VPS13C: variants seen among roughly 807,000 people sequenced by gnomAD.
VPS13C encodes the protein vacuolar protein sorting 13 homolog C, also known as intermembrane lipid transfer protein VPS13C.
Under a neutral mutation model 456.8 loss-of-function variants are expected in VPS13C, and 358 were observed. That is an observed-to-expected ratio of 0.78 (90% CI 0.72 to 0.86). The LOEUF (loss-of-function observed/expected upper bound fraction) is 0.86. VPS13C is among the 40% of genes least tolerant of loss of function. The probability of loss-of-function intolerance (pLI) is 0.00; values close to 1 mark genes in which losing one functional copy is unlikely to be tolerated. For synonymous variants in VPS13C, 1,578 were observed against 1,486.7 expected, an observed-to-expected ratio of 1.06 and a Z score of -1.41; for missense variants, 4,818 against 4,385.4, an observed-to-expected ratio of 1.10 and a Z score of -2.79.
chr15:61,950,970 G>A lies in VPS13C; in HGVS notation c.4511C>T (p.Pro1504Leu), dbSNP rs759979426. ...CTTTGTCAGTAACATTTTCAGAAGGGGTTCGTCAGTCACATTAGAAGAGTT... is the reference window on the plus strand; with the variant it reads ...CTTTGTCAGTAACATTTTCAGAAGGAGTTCGTCAGTCACATTAGAAGAGTT... ...IINSSNVTDEPLLKMLLTKAD... is the reference protein window; with the variant it reads ...IINSSNVTDELLLKMLLTKAD... The change falls in exon 40 of 85, where the codon CCC (proline) becomes CTC (leucine). Residue 1504 changes from proline (P) to leucine (L), a missense_variant. Around this residue, in one of 3 missense-constraint regions of VPS13C, gnomAD observed 4,552 missense variants for 4,130.6 expected, o/e 1.10. Coordinates refer to ENST00000644861, the MANE Select transcript of VPS13C (RefSeq NM_020821.3). The A allele has an allele frequency of 6.2e-7, 1 of 1,602,756 alleles. No individual in the cohort carries two copies. Among genetic ancestry groups the A allele is most frequent in the Non-Finnish European group, 8.5e-7 (1 of 1,175,098 alleles).
intron 49 of VPS13C, among the ~76,000 whole-genome samples, chr15:61,933,665 C>G (rs1003927269): frequency 1.3e-5 from 2 of 152,028 alleles, no homozygotes; most frequent in African/African-American, 4.8e-5. Flanking sequence ...AAATAGCTCT[C>G]TAAAATACCA....
At chr15:62,046,065 T>A (rs1462081690) in intron 1 of VPS13C, among the ~76,000 whole-genome samples, 2 of 152,140 alleles carry the variant, frequency 1.3e-5, no homozygotes, top group East Asian at 3.8e-4. Flanking sequence ...TCTGTGTACA[T>A]ACAGTTCTCA....
In VPS13C at chr15:61,931,081, C is replaced by G; in HGVS notation, c.6038+9G>C. On this transcript the variant is annotated intron_variant, in intron 50 of 84. Transcript: ENST00000644861. Reference sequence around the variant, plus strand: ...TAAATAATGTATTGCAAACTCAGAGCTGACAAACCTCGATGTTGCTCTCTC... The same window carrying G: ...TAAATAATGTATTGCAAACTCAGAGGTGACAAACCTCGATGTTGCTCTCTC... 2.5e-6 allele frequency: 4 copies of G among 1,613,826 alleles called. No individual in the cohort carries two copies. The highest frequency in any genetic ancestry group is 3.4e-6 in the Non-Finnish European group (4 of 1,179,990).
intron 67 of VPS13C, among the ~76,000 whole-genome samples, 159 bp from the exon 68 acceptor site, chr15:61,884,428 C>T (rs1896115143): frequency 6.6e-6 from 1 of 151,892 alleles, no homozygotes; most frequent in African/African-American, 2.4e-5. Context: ...TGCAAGAGTA[C>T]AAAAAGAAAA....
intron 61 of VPS13C, among the ~76,000 whole-genome samples, chr15:61,914,818 C>T (rs1249443559): frequency 1.4e-5 from 2 of 143,098 alleles, no homozygotes; most frequent in Non-Finnish European, 3.0e-5. Context: ...GCCTCAGCCT[C>T]GCAAAGTGCT....
At chr15:61,937,855 A>G (rs2044279885) in intron 47 of VPS13C, among the ~76,000 whole-genome samples, 1 of 152,206 alleles carries the variant, frequency 6.6e-6, no homozygotes, top group African/African-American at 2.4e-5. Context: ...ACTGGCTGCT[A>G]AAATCCATTA....
chr15:62,006,107 T>A (rs2046832412), intron 15 of VPS13C, among the ~76,000 whole-genome samples: 1 of 126,526 alleles, frequency 7.9e-6, no homozygotes, highest in African/African-American at 2.5e-5. Context: ...CTTATTTTTT[T>A]TTTATTATTA....
At chr15:61,990,253 C>T (rs1873922382) in intron 18 of VPS13C, among the ~76,000 whole-genome samples, 1 of 151,982 alleles carries the variant, frequency 6.6e-6, no homozygotes, top group Non-Finnish European at 1.5e-5. Flanking sequence ...GTAACAGTTA[C>T]CTTTGGAGAA....
Position 61,867,667 on chromosome 15 carries a change from T to A in VPS13C, c.10863+992A>T, listed in dbSNP as rs530323812. ...CTTCTGAGCTCAATAAAGGCTTTCA[T>A]CTATTAAACGCAGAAGAGAGCTGAT... On this transcript the variant is annotated intron_variant, in intron 81 of 84. Transcript: ENST00000644861. This position sits in a 1 kb window ranked among gnomAD's most constrained non-coding sequence, Gnocchi z 5.0. 8.0e-6 allele frequency: 10 copies of A among 1,253,816 alleles called. No homozygotes were observed. In the South Asian group the frequency reaches 2.4e-4, roughly 30 times the overall value. 77.7% of individuals were successfully genotyped at this position (1,253,816 alleles called of 1,614,324 possible). A position where few individuals can be genotyped will look rare whatever the true frequency, so the allele number is the denominator to read the frequency against.
chr15:61,890,480 T>A (rs1363218049), intron 66 of VPS13C, 80 bp from the exon 67 acceptor site: 2 of 1,270,798 alleles, frequency 1.6e-6, no homozygotes, highest in Non-Finnish European at 2.2e-6. Context: ...AACAGAAAGA[T>A]TAGAAAAGTT....
intron 30 of VPS13C, 116 bp from the exon 31 acceptor site, chr15:61,964,977 A>G: frequency 2.1e-6 from 2 of 935,540 alleles, no homozygotes; most frequent in Non-Finnish European, 3.1e-6. Flanking sequence ...CACCACTCTG[A>G]AGGAAGAGTA....
chr15:62,006,554 G>A (rs1229352938), intron 15 of VPS13C, among the ~76,000 whole-genome samples: 9 of 152,038 alleles, frequency 5.9e-5, no homozygotes, highest in East Asian at 5.8e-4. Context: ...GAATAGTGCC[G>A]CAATAAACAT....
rs78527172 is a variant in VPS13C, at chr15:61,912,642, T to C, written c.8551-638A>G. Among the ~76,000 whole-genome samples the C allele has an allele frequency of 1.2e-4, 4 of 34,226 alleles. No individual in the cohort carries two copies. In the Admixed American group the frequency reaches 1.7e-3, roughly 15 times the overall value. 22.5% of individuals were successfully genotyped at this position (34,226 alleles called of 152,430 possible). ...CGGTACACTTTAGGAGCCAACTTGT[T>C]TTTTTTTTTTTAATTATACTTTAAG... On this transcript the variant is annotated intron_variant, in intron 62 of 84. Coordinates refer to ENST00000644861, the MANE Select transcript of VPS13C (RefSeq NM_020821.3).
chr15:62,042,970 C>G (rs1459914482), intron 2 of VPS13C, among the ~76,000 whole-genome samples: 1 of 150,106 alleles, frequency 6.7e-6, no homozygotes, highest in Non-Finnish European at 1.5e-5. Flanking sequence ...TAATTATAAC[C>G]AAAACTTGAA....
At chr15:62,007,544 T>C (rs1480938878) in intron 14 of VPS13C, 65 bp from the exon 15 acceptor site, 6 of 1,367,808 alleles carry the variant, frequency 4.4e-6, no homozygotes, top group East Asian at 5.2e-5. Flanking sequence ...AGGAAAAGTC[T>C]TGACATTTTA....
chr15:62,022,769 G>A (rs937427207), intron 8 of VPS13C, among the ~76,000 whole-genome samples: 20 of 151,810 alleles, frequency 1.3e-4, no homozygotes, highest in African/African-American at 3.4e-4. Flanking sequence ...CTAGATAAAC[G>A]AAAAAATTCA....
chr15:61,878,084 C>T (rs1895586525), intron 74 of VPS13C, among the ~76,000 whole-genome samples: 1 of 151,786 alleles, frequency 6.6e-6, no homozygotes, highest in African/African-American at 2.4e-5. Flanking sequence ...GAAAGACCTC[C>T]TCTATTCAGA....
rs181227717 is a variant in VPS13C at position 61,878,290 on chromosome 15, A to G, written c.10142+317T>C. Among the ~76,000 whole-genome samples the G allele has an allele frequency of 4.7e-4, 71 of 151,982 alleles. 1 individual carries two copies. The highest frequency in any genetic ancestry group is 1.6e-3 in the African/African-American group (68 of 41,544). On this transcript the variant is annotated intron_variant, in intron 74 of 84. Transcript: ENST00000644861. ...TTAATGCATATGTATCTAGCATTACATATCTCTAAATATAATTATGTTTTA... is the reference window on the plus strand; with the variant it reads ...TTAATGCATATGTATCTAGCATTACGTATCTCTAAATATAATTATGTTTTA...
Position 61,936,663 on chromosome 15 carries a change from G to T in VPS13C, c.5689C>A (p.Gln1897Lys), listed in dbSNP as rs1444698759. The change falls in exon 48 of 85, where the codon CAG (glutamine) becomes AAG (lysine). Residue 1897 changes from glutamine to lysine, a missense_variant. Gln to Lys is a moderately conservative substitution (Grantham distance 53). This residue lies in a region of VPS13C where 4,552 missense variants were observed against 4,130.6 expected (regional missense o/e 1.10). Transcript: ENST00000644861. ...GEASSQPSPTQSVQETVRVRK... is the reference protein window; with the variant it reads ...GEASSQPSPTKSVQETVRVRK... The stretch of plus-strand genomic sequence containing the variant: ...ACTCTTACAGTCTCCTGCACAGACT[G>T]TGTAGGGCTTGGTTGTGAGGAAGCT... 4 of 1,613,280 alleles carry T rather than the reference G, an allele frequency of 2.5e-6. No individual in the cohort carries two copies. The South Asian group carries it at 4.4e-5, about 18-fold the overall frequency.
Sources: allele counts gnomAD v4.1 joint callset (sites outside exome capture counted in the v4.1 genomes callset), GRCh38; gene constraint gnomAD v4.1.1; regional missense constraint gnomAD v4.1.1; non-coding constraint Gnocchi (gnomAD v3.1); transcripts MANE v1.5; gene names NCBI Gene and HGNC (gene_info 2026-07-23, HGNC 2026-07-21).